Variants in GCNT1 observed in about 807,000 individuals in gnomAD.
The protein encoded by GCNT1 is glucosaminyl (N-acetyl) transferase 1.
GCNT1 carries 16 observed loss-of-function variants against 26.2 expected under a neutral mutation model. The ratio of observed to expected loss-of-function variants is 0.61; its 90% CI spans 0.41 to 0.93. The LOEUF is 0.93. Among genes scored for constraint, GCNT1 ranks in the 40% least tolerant of loss-of-function variants. The pLI is 0.00. For synonymous variants in GCNT1, 183 were observed against 190.8 expected (o/e 0.96, Z 0.34); for missense variants, 477 against 526.7 (o/e 0.91, Z 0.92).
At chr9:76,468,556 C>T (rs7046153) in intron 2 of GCNT1, among the ~76,000 whole-genome samples, 12,506 of 152,182 alleles carry the variant, frequency 0.082, 849 homozygotes, top group African/African-American at 0.19. Flanking sequence ...GAAGCTTTGT[C>T]GTCCTTTGCC....
At chr9:76,427,288 C>A (rs1823270984) in intron 1 of GCNT1, among the ~76,000 whole-genome samples, 1 of 149,810 alleles carries the variant, frequency 6.7e-6, no homozygotes, top group African/African-American at 2.5e-5. Context: ...CCTTGACGTT[C>A]TGGGCTCAAG....
the GCNT1 span, chr9:76,394,422 T>G: frequency 9.9e-6 from 4 of 405,976 alleles, no homozygotes; most frequent in Non-Finnish European, 1.3e-5. Context: ...ACAGCCGAAG[T>G]AAGTGCCGGG....
intron 1 of GCNT1, among the ~76,000 whole-genome samples, chr9:76,430,802 G>C (rs1237784864): frequency 6.6e-6 from 1 of 152,082 alleles, no homozygotes; most frequent in African/African-American, 2.4e-5. Flanking sequence ...TTGTGCCTCA[G>C]GCCCCTGAGT....
chr9:76,450,959 CT>C (rs1823656186), intron 1 of GCNT1, among the ~76,000 whole-genome samples: 1 of 152,090 alleles, frequency 6.6e-6, no homozygotes, highest in Admixed American at 6.5e-5. Context: ...CAACCTGTTT[CT>C]TTTTAAAAAC....
chr9:76,411,304 G>GT, the GCNT1 span, among the ~76,000 whole-genome samples: 2 of 151,770 alleles, frequency 1.3e-5, no homozygotes, highest in African/African-American at 4.8e-5. Flanking sequence ...CCATTTTGGG[G>GT]GTTTTTTTTG....
intron 2 of GCNT1, among the ~76,000 whole-genome samples, chr9:76,483,319 T>C (rs890312159): frequency 6.6e-6 from 1 of 152,128 alleles, no homozygotes; most frequent in African/African-American, 2.4e-5. Flanking sequence ...TTTCTTTAGG[T>C]GTGTATTTTC....
intron 1 of GCNT1, among the ~76,000 whole-genome samples, chr9:76,421,553 A>T: frequency 7.1e-6 from 1 of 140,394 alleles, no homozygotes; most frequent in Non-Finnish European, 1.5e-5. Context: ...GTGAGCCGAG[A>T]TGGAGCCATT....
At chr9:76,436,598 CAAA>C (rs1178497535) in intron 1 of GCNT1, among the ~76,000 whole-genome samples, 258 of 41,112 alleles carry the variant, frequency 6.3e-3, no homozygotes, top group African/African-American at 0.024. Flanking sequence ...GATTCCATCT[CAAA>C]AAAAAAAAAA....
chr9:76,422,965 G>A (rs1344273232), intron 1 of GCNT1, among the ~76,000 whole-genome samples: 1 of 152,196 alleles, frequency 6.6e-6, no homozygotes, highest in Admixed American at 6.5e-5. Flanking sequence ...GTAGACTAAT[G>A]TAATAAGTAT....
At chr9:76,419,797 C>G (rs1205774395), upstream of GCNT1, 1 of 152,200 alleles carries the variant, frequency 6.6e-6, no homozygotes, top group Admixed American at 6.5e-5. Context: ...CTAAAAATAA[C>G]ATTTACTAAA....
At chr9:76,468,973 T>C (rs943749756) in intron 2 of GCNT1, among the ~76,000 whole-genome samples, 3 of 152,198 alleles carry the variant, frequency 2.0e-5, no homozygotes, top group South Asian at 4.1e-4. Flanking sequence ...ACTACTTTAA[T>C]TGAAAAGTAA....
chr9:76,483,743 C>T (rs1206279292), intron 2 of GCNT1, among the ~76,000 whole-genome samples: 1 of 152,144 alleles, frequency 6.6e-6, no homozygotes, highest in Non-Finnish European at 1.5e-5. Flanking sequence ...GTTTAATTCT[C>T]TTTCAACCAA....
chr9:76,424,100 G>A (rs1823231963), intron 1 of GCNT1, among the ~76,000 whole-genome samples: 1 of 152,228 alleles, frequency 6.6e-6, no homozygotes, highest in Non-Finnish European at 1.5e-5. Context: ...AAGCCAGCAG[G>A]AGTGGGGGAA....
At chr9:76,440,799 C>T (rs1466940804), upstream of GCNT1, among the ~76,000 whole-genome samples, 4 of 152,110 alleles carry the variant, frequency 2.6e-5, no homozygotes, top group African/African-American at 7.2e-5. Context: ...GGTGCAGTGA[C>T]TCATGCCTGT....
chr9:76,490,265 C>T (rs985839226), intron 2 of GCNT1, among the ~76,000 whole-genome samples: 3 of 152,146 alleles, frequency 2.0e-5, no homozygotes, highest in Non-Finnish European at 4.4e-5. Flanking sequence ...TAGGCCTCAG[C>T]GGTTTTGGAG....
upstream of GCNT1, chr9:76,441,612 A>G (rs1823484932): frequency 6.6e-6 from 1 of 152,266 alleles, no homozygotes; most frequent in South Asian, 2.1e-4. Context: ...TCATCATAGT[A>G]TCTGTTTCGT....
intron 2 of GCNT1, among the ~76,000 whole-genome samples, chr9:76,490,306 T>C (rs934325983): frequency 4.6e-5 from 7 of 152,178 alleles, no homozygotes; most frequent in Non-Finnish European, 1.0e-4. Context: ...CTATTTGGGA[T>C]TGTAGTTACT....
chr9:76,459,068 A>T (rs1823812089), upstream of GCNT1: 2 of 152,284 alleles, frequency 1.3e-5, no homozygotes, highest in South Asian at 2.1e-4. Context: ...GTAGGCGGGA[A>T]CCGCGAGTCC....
At chr9:76,493,196 G>A (rs912288298) in intron 2 of GCNT1, among the ~76,000 whole-genome samples, 5 of 152,096 alleles carry the variant, frequency 3.3e-5, no homozygotes, top group South Asian at 2.1e-4. Context: ...AGACGTTTAC[G>A]ACTCCAGTCC....
Sources: gnomAD v4.1 joint callset for allele counts (sites outside exome capture counted in the v4.1 genomes callset) on GRCh38, gnomAD v4.1.1 for gene constraint, MANE v1.5 for transcripts, NCBI Gene and HGNC (gene_info 2026-07-23, HGNC 2026-07-21) for gene names.